The following ZNF324B variants were observed in gnomAD, a reference collection of about 807,000 sequenced individuals.
The protein encoded by ZNF324B is zinc finger protein 324B.
In ZNF324B, 7 loss-of-function variants were observed where a neutral mutation model predicts 10.6. The ratio of observed to expected loss-of-function variants is 0.66; its 90% CI spans 0.38 to 1.24. The LOEUF (loss-of-function observed/expected upper bound fraction) is 1.24. Among genes scored for constraint, ZNF324B ranks in the 50% most tolerant of loss-of-function variants. The probability of loss-of-function intolerance (pLI) is 0.02; values close to 1 mark genes in which losing one functional copy is unlikely to be tolerated. For missense variants in ZNF324B, 640 were observed against 764.7 expected (o/e 0.84, Z 1.92); for synonymous variants, 316 against 321.0 (o/e 0.98, Z 0.17).
intron 2 of ZNF324B, 28 bp downstream of exon 2, chr19:58,453,850 T>G: frequency 6.2e-7 from 1 of 1,605,426 alleles, no homozygotes; most frequent in South Asian, 1.1e-5. Context: ...CCATGAAAAG[T>G]GCACTTGGTG....
chr19:58,433,002 G>A, the ZNF324B span: 14 of 211,836 alleles, frequency 6.6e-5, no homozygotes, highest in African/African-American at 1.4e-4. Flanking sequence ...AACCAGCATC[G>A]GTTCAGCTGA....
chr19:58,452,762 G>A (rs1046188465), intron 1 of ZNF324B: 6 of 591,372 alleles, frequency 1.0e-5, no homozygotes, highest in Admixed American at 6.3e-5. Flanking sequence ...GCAGTCAGGC[G>A]TGCGGAGTTA....
Position 58,455,269 on chromosome 19 carries a change from G to A in ZNF324B, c.325G>A (p.Val109Ile), listed in dbSNP as rs762048492. 1.7e-5 allele frequency: 28 copies of A among 1,614,072 alleles called. No individual in the cohort carries two copies. The highest frequency in any genetic ancestry group is 2.1e-5 in the Non-Finnish European group (25 of 1,180,040). Residue 109 changes from valine (V) to isoleucine (I), a missense_variant, in exon 4 of 4, where the codon GTC becomes ATC. By Grantham distance (29) the Val-to-Ile change is conservative. Transcript: ENST00000336614. This position sits in a 1 kb window ranked among gnomAD's most constrained non-coding sequence, Gnocchi z 7.0. ...TACCCCACCTGGGATGACTACTAGC[G>A]TCTTCCCAGTTGCCGATGCCTGCCA... Reference protein sequence around the residue: ...PDTPPGMTTSVFPVADACHSV... With the variant: ...PDTPPGMTTSIFPVADACHSV...
At chr19:58,422,197 A>G in the ZNF324B span, among the ~76,000 whole-genome samples, 1 of 152,278 alleles carries the variant, frequency 6.6e-6, no homozygotes, top group African/African-American at 2.4e-5. Context: ...GATTACAGGC[A>G]TGAGCAGTTG....
Position 58,457,315 on chromosome 19 carries a change from A to T in ZNF324B, c.*736A>T, listed in dbSNP as rs181395056. On this transcript the variant is annotated 3_prime_UTR_variant, in exon 4 of 4. Coordinates refer to ENST00000336614, the MANE Select transcript of ZNF324B (RefSeq NM_207395.3). ...GAATGCCCATGGTTCTCAGCATTGG[A>T]AGGACAAACCTAGGATGATGGCTTT... 1 of 152,706 alleles carries T rather than the reference A, an allele frequency of 6.5e-6. No individual in the cohort carries two copies. The highest frequency in any genetic ancestry group is 6.5e-5 in the Admixed American group (1 of 15,296). The allele number at this position is 152,706 out of a possible 1,614,324, so 9.5% of individuals were successfully genotyped here.
the ZNF324B span, among the ~76,000 whole-genome samples, chr19:58,431,733 T>C: frequency 6.6e-6 from 1 of 152,210 alleles, no homozygotes; most frequent in Non-Finnish European, 1.5e-5. Flanking sequence ...GGCTCATGCA[T>C]GTAATCCCAG....
the ZNF324B span, among the ~76,000 whole-genome samples, chr19:58,423,259 C>T: frequency 6.6e-6 from 1 of 152,190 alleles, no homozygotes; most frequent in Admixed American, 6.5e-5. Context: ...TCCCGGGGTT[C>T]TCGCCATTCT....
chr19:58,424,727 C>G, the ZNF324B span, among the ~76,000 whole-genome samples: 12 of 152,066 alleles, frequency 7.9e-5, no homozygotes, highest in African/African-American at 2.9e-4. Context: ...GTAGTCCCAG[C>G]TACATTGGGC....
chr19:58,427,323 CT>C, the ZNF324B span, among the ~76,000 whole-genome samples: 2 of 91,254 alleles, frequency 2.2e-5, no homozygotes, highest in Non-Finnish European at 3.9e-5. Flanking sequence ...TTCTTTCTTT[CT>C]TTCTTTCTTT....
At chr19:58,438,801 C>T in the ZNF324B span, among the ~76,000 whole-genome samples, 90 of 147,282 alleles carry the variant, frequency 6.1e-4, no homozygotes, top group Non-Finnish European at 7.0e-4. Context: ...GACAGAGTCT[C>T]GCTCTGTCAC....
the ZNF324B span, chr19:58,440,777 C>A: frequency 6.6e-6 from 1 of 152,182 alleles, no homozygotes; most frequent in Non-Finnish European, 1.5e-5. Flanking sequence ...GAGTCGTCGC[C>A]CTTGGCGTTA....
the ZNF324B span, among the ~76,000 whole-genome samples, chr19:58,446,137 AAAAC>A: frequency 5.9e-5 from 9 of 152,186 alleles, no homozygotes; most frequent in Non-Finnish European, 7.3e-5. Context: ...TCCATCTCAA[AAAAC>A]AAACAAACAA....
At chr19:58,435,123 A>C in the ZNF324B span, 2 of 1,614,164 alleles carry the variant, frequency 1.2e-6, no homozygotes, top group Non-Finnish European at 1.7e-6. Context: ...TGGTGGAAGG[A>C]TCTGCATTAG....
At chr19:58,433,205 G>A in the ZNF324B span, 4 of 1,113,456 alleles carry the variant, frequency 3.6e-6, no homozygotes, top group East Asian at 2.4e-5. Context: ...AGTAGCTTCT[G>A]AAGGCTTTTC....
chr19:58,433,863 G>A, the ZNF324B span: 6 of 1,614,164 alleles, frequency 3.7e-6, no homozygotes, highest in Non-Finnish European at 5.1e-6. Context: ...TCAGGCTGGA[G>A]CTGCGGCTGA....
At position 58,455,491 on chromosome 19, in the gene ZNF324B, C is replaced by G. The variant is rs752300105; in HGVS notation, c.547C>G (p.Arg183Gly). 1.2e-6 allele frequency: 2 copies of G among 1,614,064 alleles called. No homozygotes were observed. Among genetic ancestry groups the G allele is most frequent in the Admixed American group, 3.3e-5 (2 of 60,026 alleles). The change falls in exon 4 of 4, where the codon CGG becomes GGG. Residue 183 changes from arginine to glycine, a missense_variant. Coordinates refer to ENST00000336614, the MANE Select transcript of ZNF324B (RefSeq NM_207395.3). This position sits in a 1 kb window ranked among gnomAD's most constrained non-coding sequence, Gnocchi z 7.0. ...CAGGGAAAAGACCTTCACAGAGTAC[C>G]GGGTGCCTGGGAGGCAGCCCAGGAC... Reference protein sequence around the residue: ...RPREKTFTEYRVPGRQPRTPE... With the variant: ...RPREKTFTEYGVPGRQPRTPE...
In ZNF324B at chr19:58,455,314, C is replaced by G; in HGVS notation, c.370C>G (p.Arg124Gly). ...CTGCCACAGTGTAAAAAGCCTGCAG[C>G]GACAACCGGGTGCCTCCCCATCTCA... ...DACHSVKSLQ[R>G]QPGASPSQER... Residue 124 changes from arginine (R) to glycine (G), a missense_variant, in exon 4 of 4, where the codon CGA becomes GGA. Physicochemically the swap from Arg to Gly is moderately radical, Grantham distance 125. Coordinates refer to ENST00000336614, the MANE Select transcript of ZNF324B (RefSeq NM_207395.3). The surrounding 1 kb of genome is among the most constrained non-coding windows in gnomAD (Gnocchi z 7.0). 4 of 1,614,218 alleles carry G rather than the reference C, an allele frequency of 2.5e-6. No individual in the cohort carries two copies. The highest frequency in any genetic ancestry group is 3.4e-6 in the Non-Finnish European group (4 of 1,180,040).
chr19:58,450,043 T>A (rs1359021309), upstream of ZNF324B, among the ~76,000 whole-genome samples: 1 of 152,294 alleles, frequency 6.6e-6, no homozygotes, highest in East Asian at 1.9e-4. Flanking sequence ...GGGCCCCAGT[T>A]AGAGGTAACT....
chr19:58,455,102 C>T lies in ZNF324B; in HGVS notation c.239-81C>T. 6.3e-7 allele frequency: 1 copy of T among 1,585,192 alleles called. No homozygotes were observed. The highest frequency in any genetic ancestry group is 1.4e-5 in the African/African-American group (1 of 71,768). On this transcript the variant is annotated intron_variant, in intron 3 of 3. Transcript: ENST00000336614. This position sits in a 1 kb window ranked among gnomAD's most constrained non-coding sequence, Gnocchi z 7.0. ...AAGCTTTTGTCCCGGCTCCTGGGCT[C>T]CCCCTTGCCTGTCCACTCAGCCTGC...
Sources: allele counts gnomAD v4.1 joint callset (sites outside exome capture counted in the v4.1 genomes callset), GRCh38; gene constraint gnomAD v4.1.1; non-coding constraint Gnocchi (gnomAD v3.1); transcripts MANE v1.5; gene names NCBI Gene and HGNC (gene_info 2026-07-23, HGNC 2026-07-21).